The following NRG1 variants were observed in gnomAD, a reference collection of about 807,000 sequenced individuals.
The protein encoded by NRG1 is pro-neuregulin-1, membrane-bound isoform.
A neutral mutation model predicts 63.8 loss-of-function variants in NRG1; 18 were observed. That is an observed-to-expected ratio of 0.28 (90% CI 0.19 to 0.42). The LOEUF (loss-of-function observed/expected upper bound fraction) is 0.42, where lower values mean the gene tolerates loss of function less well. Ranked by LOEUF, NRG1 falls within the 10% of genes least tolerant of loss-of-function variation. The pLI, the probability that NRG1 is intolerant of heterozygous loss-of-function variation, is 1.00. For synonymous variants in NRG1, 302 were observed against 301.3 expected (o/e 1.00, Z -0.02); for missense variants, 762 against 814.7 (o/e 0.94, Z 0.79).
In NRG1 at chr8:32,418,965, T is replaced by C. The variant is rs113585084; in HGVS notation, c.38-176863T>C. 2.0e-3 allele frequency among the ~76,000 whole-genome samples: 303 copies of C among 152,326 alleles called. 2 individuals are homozygous for C. The highest frequency in any genetic ancestry group is 6.8e-3 in the African/African-American group (282 of 41,574). On this transcript the variant is annotated intron_variant, in intron 1 of 10. Transcript: ENST00000519301. ...CAGAATACATCTTACAATTAATGTG[T>C]TCATTTAATGTAATCATACTTCTTG...
chr8:32,002,029 A>AT (rs962646810), intron 1 of NRG1, among the ~76,000 whole-genome samples: 13 of 151,228 alleles, frequency 8.6e-5, no homozygotes, highest in Admixed American at 5.9e-4. Flanking sequence ...AATTAATTGA[A>AT]TTTTTTTTTC....
chr8:31,942,069 C>T (rs1351362886), intron 1 of NRG1, among the ~76,000 whole-genome samples: 1 of 152,044 alleles, frequency 6.6e-6, no homozygotes, highest in Non-Finnish European at 1.5e-5. Context: ...AAAAAAAGAG[C>T]CTGCATAGAC....
chr8:31,690,111 C>T (rs571387665), intron 1 of NRG1, among the ~76,000 whole-genome samples: 1 of 152,152 alleles, frequency 6.6e-6, no homozygotes, highest in African/African-American at 2.4e-5. Flanking sequence ...TTCTAAGGGG[C>T]TTTTCCTCCT....
chr8:31,808,492 C>T (rs1277060125), intron 1 of NRG1, among the ~76,000 whole-genome samples: 1 of 151,874 alleles, frequency 6.6e-6, no homozygotes, highest in Non-Finnish European at 1.5e-5. Flanking sequence ...AATTATTTTG[C>T]TTTTTAATAC....
intron 1 of NRG1, among the ~76,000 whole-genome samples, chr8:31,733,587 GTTGCAGCTCTTGTTCTC>G: frequency 6.6e-6 from 1 of 152,292 alleles, no homozygotes; most frequent in East Asian, 1.9e-4. Context: ...ATTTTGAGGA[GTTGCAGCTCTTGTTCTC>G]TTTCATCTCC....
chr8:32,589,960 C>A (rs1400476082), intron 1 of NRG1, among the ~76,000 whole-genome samples: 4 of 152,080 alleles, frequency 2.6e-5, no homozygotes, highest in Admixed American at 2.6e-4. Flanking sequence ...TGGATTACAA[C>A]CACATTTTTC....
At chr8:32,064,852 A>G (rs1392139398) in intron 1 of NRG1, among the ~76,000 whole-genome samples, 4 of 152,298 alleles carry the variant, frequency 2.6e-5, no homozygotes, top group South Asian at 4.1e-4. Context: ...TAACAGTCAT[A>G]TATTAGGTGT....
At chr8:32,020,836 A>G (rs1379123572) in intron 1 of NRG1, among the ~76,000 whole-genome samples, 1 of 152,172 alleles carries the variant, frequency 6.6e-6, no homozygotes, top group Non-Finnish European at 1.5e-5. Context: ...TTTAGTTTCT[A>G]TTCATTTATT....
chr8:32,295,940 G>GAA (rs536209588), intron 1 of NRG1, among the ~76,000 whole-genome samples: 26,568 of 127,832 alleles, frequency 0.21, 3,270 homozygotes, highest in African/African-American at 0.35. Context: ...AGGTCTCAAG[G>GAA]AAAAAAAAAA....
chr8:32,091,019 C>T (rs969762065), intron 1 of NRG1, among the ~76,000 whole-genome samples: 14 of 152,302 alleles, frequency 9.2e-5, no homozygotes, highest in African/African-American at 3.1e-4. Context: ...GTGGCTCACA[C>T]CTGTAATCCC....
intron 1 of NRG1, among the ~76,000 whole-genome samples, chr8:32,264,826 G>GA (rs1850747619): frequency 1.3e-5 from 2 of 152,014 alleles, no homozygotes; most frequent in Non-Finnish European, 2.9e-5. Context: ...AAAAAAAAAG[G>GA]ATTCTGAAAG....
chr8:32,648,272 G>T (rs768891656), intron 5 of NRG1: 3 of 1,613,820 alleles, frequency 1.9e-6, no homozygotes, highest in African/African-American at 1.3e-5. Flanking sequence ...CTTTCTTGCC[G>T]TCCACTGCGC....
At chr8:32,003,013 A>G (rs1028341019) in intron 1 of NRG1, among the ~76,000 whole-genome samples, 13 of 152,004 alleles carry the variant, frequency 8.6e-5, no homozygotes, top group African/African-American at 3.1e-4. Context: ...TTTAACCCAT[A>G]TTGCTGTAGG....
intron 1 of NRG1, among the ~76,000 whole-genome samples, chr8:32,273,403 A>G (rs902972163): frequency 6.6e-6 from 1 of 152,240 alleles, no homozygotes; most frequent in Admixed American, 6.5e-5. Context: ...AGAGACATAA[A>G]GGTAACATTT....
chr8:32,434,013 C>G, intron 1 of NRG1, among the ~76,000 whole-genome samples: 1 of 151,812 alleles, frequency 6.6e-6, no homozygotes, highest in East Asian at 1.9e-4. Flanking sequence ...TGGTGAAACC[C>G]CATCTCTACT....
At position 31,971,908 on chromosome 8, in the gene NRG1, G is replaced by A. The variant is rs190100836; in HGVS notation, c.37+332477G>A. Among the ~76,000 whole-genome samples, 68 of 152,038 alleles carry A rather than the reference G, an allele frequency of 4.5e-4. 1 individual carries two copies. In the East Asian group the frequency reaches 0.01, roughly 22 times the overall value. Reference sequence around the variant, plus strand: ...TCGTCATCTTCTGCTGGCTTAACTCGAAGCCCAAATTTCTTACTTGTAGAT... The same window carrying A: ...TCGTCATCTTCTGCTGGCTTAACTCAAAGCCCAAATTTCTTACTTGTAGAT... On this transcript the variant is annotated intron_variant, in intron 1 of 10. Coordinates refer to the NRG1 transcript ENST00000519301.
chr8:32,210,308 T>C (rs1219238694), intron 1 of NRG1, among the ~76,000 whole-genome samples: 1 of 152,186 alleles, frequency 6.6e-6, no homozygotes, highest in Non-Finnish European at 1.5e-5. Flanking sequence ...CCCAAGTACA[T>C]ATTCCAGTGA....
At chr8:31,709,906 C>T (rs993167833) in intron 1 of NRG1, among the ~76,000 whole-genome samples, 9 of 151,418 alleles carry the variant, frequency 5.9e-5, no homozygotes, top group Non-Finnish European at 1.2e-4. Context: ...TGTATTTATT[C>T]TATTTTTTCC....
chr8:32,425,974 C>T (rs1001880477), intron 1 of NRG1, among the ~76,000 whole-genome samples: 1 of 151,986 alleles, frequency 6.6e-6, no homozygotes, highest in East Asian at 1.9e-4. Context: ...ATCATCCTGC[C>T]GCAGGTCCAA....
Sources: gnomAD v4.1 joint callset for allele counts (sites outside exome capture counted in the v4.1 genomes callset) on GRCh38, gnomAD v4.1.1 for gene constraint, MANE v1.5 for transcripts, NCBI Gene and HGNC (gene_info 2026-07-23, HGNC 2026-07-21) for gene names.